WWOX: variants seen among roughly 807,000 people sequenced by gnomAD.
WWOX encodes the protein WW domain containing oxidoreductase.
Under a neutral mutation model 46.2 loss-of-function variants are expected in WWOX, and 69 were observed. That is an observed-to-expected ratio of 1.49 (90% CI 1.23 to 1.82). The LOEUF is 1.82. WWOX is among the 40% of genes most tolerant of loss of function. The pLI is 0.00. For missense variants in WWOX, 919 were observed against 542.6 expected (o/e 1.69, Z -6.89); for synonymous variants, 359 against 202.6 (o/e 1.77, Z -6.56).
At chr16:78,319,402 AG>A (rs2080419544) in intron 5 of WWOX, among the ~76,000 whole-genome samples, 1 of 152,078 alleles carries the variant, frequency 6.6e-6, no homozygotes, top group Admixed American at 6.6e-5. Flanking sequence ...CTGGGACTAC[AG>A]TGTGTACCAT....
chr16:78,397,863 G>A (rs2082324045), intron 6 of WWOX, among the ~76,000 whole-genome samples: 3 of 152,180 alleles, frequency 2.0e-5, no homozygotes, highest in South Asian at 2.1e-4. Context: ...AAATCGTTTT[G>A]CTGGAATATG....
At chr16:78,409,993 C>G (rs2082639574) in intron 6 of WWOX, among the ~76,000 whole-genome samples, 3 of 152,186 alleles carry the variant, frequency 2.0e-5, no homozygotes, top group South Asian at 4.1e-4. Context: ...AACATAATCC[C>G]TAGTGTTGGC....
At chr16:78,473,179 G>T (rs911205125) in intron 8 of WWOX, among the ~76,000 whole-genome samples, 3 of 152,212 alleles carry the variant, frequency 2.0e-5, no homozygotes, top group Non-Finnish European at 4.4e-5. Flanking sequence ...ACCCAGGCTA[G>T]AGTGCAGTGG....
intron 8 of WWOX, among the ~76,000 whole-genome samples, chr16:78,945,882 T>C (rs1029201862): frequency 6.6e-6 from 1 of 152,168 alleles, no homozygotes; most frequent in Admixed American, 6.5e-5. Flanking sequence ...GTCCTGGCTC[T>C]TCCTTTAACT....
intron 8 of WWOX, among the ~76,000 whole-genome samples, chr16:78,689,292 C>T (rs959215663): frequency 1.3e-5 from 2 of 152,204 alleles, no homozygotes; most frequent in Admixed American, 6.5e-5. Context: ...ATGCTGTCTG[C>T]ACGCCTTGTA....
At chr16:78,198,873 T>A (rs190242858) in intron 5 of WWOX, among the ~76,000 whole-genome samples, 1 of 152,310 alleles carries the variant, frequency 6.6e-6, no homozygotes, top group East Asian at 1.9e-4. Context: ...CTCAAATTGC[T>A]CTGGACAGTT....
chr16:78,700,807 T>C (rs1267921499), intron 8 of WWOX, among the ~76,000 whole-genome samples: 1 of 152,198 alleles, frequency 6.6e-6, no homozygotes, highest in Non-Finnish European at 1.5e-5. Context: ...TTAGTGAATA[T>C]TTATTGAATG....
At chr16:78,378,260 A>G (rs1242965511) in intron 5 of WWOX, among the ~76,000 whole-genome samples, 1 of 152,196 alleles carries the variant, frequency 6.6e-6, no homozygotes, top group East Asian at 1.9e-4. Context: ...AAGTCAGTGA[A>G]GAGACTCTCA....
At chr16:78,380,514 A>G (rs13339305) in intron 5 of WWOX, among the ~76,000 whole-genome samples, 14,213 of 152,188 alleles carry the variant, frequency 0.093, 788 homozygotes, top group African/African-American at 0.15. Context: ...CAGCCGTATC[A>G]GTGAAGAGTG....
chr16:78,372,926 C>T (rs1480962054), intron 5 of WWOX, among the ~76,000 whole-genome samples: 1 of 152,166 alleles, frequency 6.6e-6, no homozygotes, highest in South Asian at 2.1e-4. Flanking sequence ...AAAGTAGCAT[C>T]ATTAATCTGA....
intron 8 of WWOX, among the ~76,000 whole-genome samples, chr16:79,064,433 A>G (rs180673515): frequency 6.6e-6 from 1 of 152,334 alleles, no homozygotes; most frequent in Middle Eastern, 3.4e-3. Context: ...TAATGCGTGA[A>G]AAGTGCTGAC....
At chr16:78,743,666 T>C (rs1431525670) in intron 8 of WWOX, among the ~76,000 whole-genome samples, 2 of 152,152 alleles carry the variant, frequency 1.3e-5, no homozygotes, top group Non-Finnish European at 2.9e-5. Context: ...GTACCCCTGA[T>C]TGGTTGCTTT....
At chr16:78,629,611 A>G (rs1302246447) in intron 8 of WWOX, among the ~76,000 whole-genome samples, 1 of 152,076 alleles carries the variant, frequency 6.6e-6, no homozygotes, top group Admixed American at 6.5e-5. Context: ...ACTTTGTACC[A>G]CTTTCCCCAG....
At chr16:78,375,561 G>A (rs925771225) in intron 5 of WWOX, among the ~76,000 whole-genome samples, 2 of 152,168 alleles carry the variant, frequency 1.3e-5, no homozygotes, top group African/African-American at 2.4e-5. Flanking sequence ...ATGTCAGTGT[G>A]AATTATTGGT....
chr16:79,042,057 T>C (rs1247291747), intron 8 of WWOX, among the ~76,000 whole-genome samples: 1 of 152,180 alleles, frequency 6.6e-6, no homozygotes, highest in African/African-American at 2.4e-5. Flanking sequence ...GGAGGGAAAC[T>C]GATTAACTCT....
chr16:78,759,763 A>G (rs1211688647), intron 8 of WWOX, among the ~76,000 whole-genome samples: 3 of 152,164 alleles, frequency 2.0e-5, no homozygotes, highest in Non-Finnish European at 4.4e-5. Flanking sequence ...AGACAGCACA[A>G]ATGTCTTATC....
chr16:78,599,706 T>G (rs1052586450), intron 8 of WWOX, among the ~76,000 whole-genome samples: 1 of 152,070 alleles, frequency 6.6e-6, no homozygotes, highest in Non-Finnish European at 1.5e-5. Flanking sequence ...ACAGATGCCT[T>G]GTGTTTAGGA....
chr16:78,669,749 C>A (rs575366533), intron 8 of WWOX, among the ~76,000 whole-genome samples: 59 of 152,228 alleles, frequency 3.9e-4, no homozygotes, highest in African/African-American at 1.3e-3. Flanking sequence ...ATATGTGTTC[C>A]CTTGAAATTT....
At chr16:79,193,574 C>T (rs549670102) in intron 8 of WWOX, among the ~76,000 whole-genome samples, 9 of 152,340 alleles carry the variant, frequency 5.9e-5, no homozygotes, top group Admixed American at 5.9e-4. Flanking sequence ...AGTCATCCAT[C>T]TGCGTGGTCT....
Sources: gnomAD v4.1 joint callset for allele counts (sites outside exome capture counted in the v4.1 genomes callset) on GRCh38, gnomAD v4.1.1 for gene constraint, MANE v1.5 for transcripts, NCBI Gene and HGNC (gene_info 2026-07-23, HGNC 2026-07-21) for gene names.